The following GRM3 variants were observed in gnomAD, a reference collection of about 807,000 sequenced individuals.
GRM3 encodes the protein glutamate metabotropic receptor 3.
A neutral mutation model predicts 70.5 loss-of-function variants in GRM3; 26 were observed. That is an observed-to-expected ratio of 0.37 (90% confidence interval 0.27 to 0.51). GRM3 has a LOEUF of 0.51. Among genes scored for constraint, GRM3 ranks in the 20% least tolerant of loss-of-function variants. The pLI is 0.93. For synonymous variants in GRM3, 443 were observed against 434.9 expected (o/e 1.02, Z -0.23); for missense variants, 859 against 1,123.8 (o/e 0.76, Z 3.37).
rs142697320 is a variant in GRM3 at position 86,716,278 on chromosome 7, C to T, written c.-140-48728C>T. 4.6e-4 allele frequency among the ~76,000 whole-genome samples: 70 copies of T among 151,644 alleles called. 1 individual carries two copies. The highest frequency in any genetic ancestry group is 5.9e-4 in the Admixed American group (9 of 15,192). ...CTATGACAGAGTATGACAAAAAGAACGGAGAGAGGAGAAAGACAAAGCAGA... is the reference window on the plus strand; with the variant it reads ...CTATGACAGAGTATGACAAAAAGAATGGAGAGAGGAGAAAGACAAAGCAGA... On this transcript the variant is annotated intron_variant, in intron 1 of 5. Coordinates refer to ENST00000361669, the MANE Select transcript of GRM3 (RefSeq NM_000840.3).
chr7:86,751,213 T>G (rs1796223113), intron 1 of GRM3, among the ~76,000 whole-genome samples: 1 of 152,064 alleles, frequency 6.6e-6, no homozygotes, highest in Non-Finnish European at 1.5e-5. Flanking sequence ...CCCATCCAGT[T>G]GGAAATGGTA....
At chr7:86,733,466 CA>C (rs1795786013) in intron 1 of GRM3, among the ~76,000 whole-genome samples, 1 of 151,994 alleles carries the variant, frequency 6.6e-6, no homozygotes, top group South Asian at 2.1e-4. Context: ...GAGGACTGGG[CA>C]TGAAGATAGG....
intron 2 of GRM3, among the ~76,000 whole-genome samples, chr7:86,779,323 C>T (rs1429098623): frequency 6.6e-6 from 1 of 152,180 alleles, no homozygotes; most frequent in East Asian, 1.9e-4. Flanking sequence ...TAAAGATCCA[C>T]ATTGCACAAT....
intron 5 of GRM3, among the ~76,000 whole-genome samples, chr7:86,860,447 T>C (rs1185088667): frequency 6.6e-6 from 1 of 152,168 alleles, no homozygotes; most frequent in Non-Finnish European, 1.5e-5. Flanking sequence ...CAGCAGAAGC[T>C]ACCGATGAAA....
At chr7:86,757,194 G>A (rs1796366131) in intron 1 of GRM3, among the ~76,000 whole-genome samples, 1 of 152,106 alleles carries the variant, frequency 6.6e-6, no homozygotes, top group Non-Finnish European at 1.5e-5. Flanking sequence ...TGCTCTGGGT[G>A]CTGTTTTTCT....
At chr7:86,665,064 G>A (rs182178497) in intron 1 of GRM3, among the ~76,000 whole-genome samples, 1 of 152,140 alleles carries the variant, frequency 6.6e-6, no homozygotes, top group East Asian at 1.9e-4. Flanking sequence ...TGTAGTAGCT[G>A]TGAAAGTCTG....
At chr7:86,757,970 A>G (rs545710651) in intron 1 of GRM3, among the ~76,000 whole-genome samples, 3 of 152,236 alleles carry the variant, frequency 2.0e-5, no homozygotes, top group Admixed American at 1.3e-4. Context: ...CATGTGTGAC[A>G]TATGTTCTGT....
chr7:86,766,047 A>G (rs1796593252), intron 2 of GRM3, among the ~76,000 whole-genome samples: 1 of 152,112 alleles, frequency 6.6e-6, no homozygotes, highest in African/African-American at 2.4e-5. Context: ...ACTCAGCTGT[A>G]CAAAGCTCTT....
chr7:86,767,104 C>T lies in GRM3; in HGVS notation c.468+1491C>T, dbSNP rs534149484. ...GGACACACCTGTGTTCCCAGATACT[C>T]GGGAGGCTGAGGCAGGAGAATCACT... On this transcript the variant is annotated intron_variant, in intron 2 of 5. Coordinates refer to ENST00000361669, the MANE Select transcript of GRM3 (RefSeq NM_000840.3). Among the ~76,000 whole-genome samples, 5 of 151,476 alleles carry T rather than the reference C, an allele frequency of 3.3e-5. No homozygotes were observed. The East Asian group carries it at 5.8e-4, about 18-fold the overall frequency.
chr7:86,754,438 G>A (rs1195861047), intron 1 of GRM3, among the ~76,000 whole-genome samples: 1 of 152,048 alleles, frequency 6.6e-6, no homozygotes, highest in Non-Finnish European at 1.5e-5. Context: ...GAGAATATGG[G>A]ACTTCTGATA....
chr7:86,765,097 C>T lies in GRM3; in HGVS notation c.-49C>T, dbSNP rs141988390. 2.0e-5 allele frequency: 30 copies of T among 1,522,056 alleles called. No individual in the cohort carries two copies. The African/African-American group carries it at 3.8e-4, about 19-fold the overall frequency. The allele number at this position is 1,522,056 out of a possible 1,614,324, so 94.3% of individuals were successfully genotyped here. A position where few individuals can be genotyped will look rare whatever the true frequency, so the allele number is the denominator to read the frequency against. ...TGGAAATGAGAGAGGACTAGCATGA[C>T]ACATTGGCTCCACCATTGATATCTC... is the stretch of plus-strand genomic sequence containing the variant. On this transcript the variant is annotated 5_prime_UTR_variant, in exon 2 of 6. Transcript: ENST00000361669.
intron 1 of GRM3, among the ~76,000 whole-genome samples, chr7:86,666,175 A>G (rs932933744): frequency 6.6e-6 from 1 of 152,056 alleles, no homozygotes; most frequent in Non-Finnish European, 1.5e-5. Flanking sequence ...AGAAGAACCT[A>G]GGATAAAATT....
intron 3 of GRM3, among the ~76,000 whole-genome samples, chr7:86,810,954 A>T (rs915126400): frequency 6.6e-6 from 1 of 151,930 alleles, no homozygotes; most frequent in Non-Finnish European, 1.5e-5. Context: ...TCAAAATTTC[A>T]TCTAGTCAAT....
chr7:86,674,992 A>G (rs1391779361), intron 1 of GRM3, among the ~76,000 whole-genome samples: 6 of 152,198 alleles, frequency 3.9e-5, no homozygotes, highest in Admixed American at 2.0e-4. Context: ...GCTTCCTAAT[A>G]TATCTGTAAA....
At chr7:86,821,073 G>A (rs538960448) in intron 3 of GRM3, among the ~76,000 whole-genome samples, 2 of 152,214 alleles carry the variant, frequency 1.3e-5, no homozygotes, top group African/African-American at 4.8e-5. Flanking sequence ...GCAAAACTTG[G>A]GGGTGGGGTG....
intron 3 of GRM3, among the ~76,000 whole-genome samples, chr7:86,815,624 C>T (rs1798000401): frequency 1.3e-5 from 2 of 151,858 alleles, no homozygotes; most frequent in Non-Finnish European, 1.5e-5. Flanking sequence ...CGAAATTAGT[C>T]ACAGGCTGTG....
At position 86,850,439 on chromosome 7, in the gene GRM3, C is replaced by T. The variant is rs1270867284; in HGVS notation, c.2461C>T (p.Pro821Ser). 1 of 1,612,400 alleles carries T rather than the reference C, an allele frequency of 6.2e-7. No homozygotes were observed. Among genetic ancestry groups the T allele is most frequent in the South Asian group, 1.1e-5 (1 of 91,046 alleles). ...GFVVLGCLFA[P>S]KVHIILFQPQ... ...TGTGGTCTTGGGCTGTTTGTTTGCACCCAAGGTTCACATCATCCTGTTTCA... is the reference window on the plus strand; with the variant it reads ...TGTGGTCTTGGGCTGTTTGTTTGCATCCAAGGTTCACATCATCCTGTTTCA... Residue 821 changes from proline (P) to serine (S), a missense_variant, in exon 5 of 6, where the codon CCC (proline) becomes TCC (serine). Coordinates refer to ENST00000361669, the MANE Select transcript of GRM3 (RefSeq NM_000840.3).
intron 2 of GRM3, among the ~76,000 whole-genome samples, chr7:86,770,023 G>T (rs1796698941): frequency 6.6e-6 from 1 of 152,114 alleles, no homozygotes; most frequent in African/African-American, 2.4e-5. Context: ...GCTGTTAGGT[G>T]ATTGTCTACA....
At chr7:86,728,732 G>T (rs1795650501) in intron 1 of GRM3, among the ~76,000 whole-genome samples, 1 of 152,104 alleles carries the variant, frequency 6.6e-6, no homozygotes, top group African/African-American at 2.4e-5. Flanking sequence ...GGGCATCTAT[G>T]TCCATATCTG....
Sources: allele counts gnomAD v4.1 joint callset (sites outside exome capture counted in the v4.1 genomes callset), GRCh38; gene constraint gnomAD v4.1.1; transcripts MANE v1.5; gene names NCBI Gene and HGNC (gene_info 2026-07-23, HGNC 2026-07-21).